The following LMBRD1 variants were observed in gnomAD, a reference collection of about 807,000 sequenced individuals.
LMBRD1 encodes the protein LMBR1 domain containing 1, also known as lysosomal cobalamin transport escort protein LMBD1.
A neutral mutation model predicts 74.8 loss-of-function variants in LMBRD1; 64 were observed. The observed-to-expected ratio is 0.86, with a 90% confidence interval of 0.70 to 1.05. LMBRD1 has a LOEUF of 1.05. Among genes scored for constraint, LMBRD1 ranks in the 50% least tolerant of loss-of-function variants. The pLI, the probability that LMBRD1 is intolerant of heterozygous loss-of-function variation, is 0.00. For synonymous variants in LMBRD1, 204 were observed against 216.3 expected (o/e 0.94, Z 0.50); for missense variants, 652 against 645.9 (o/e 1.01, Z -0.10).
chr6:69,796,958 A>G lies in LMBRD1; in HGVS notation c.-77T>C, dbSNP rs1766250672. On this transcript the variant is annotated 5_prime_UTR_variant, in exon 1 of 16. Coordinates refer to ENST00000649934, the MANE Select transcript of LMBRD1 (RefSeq NM_018368.4). ...GGGGAAAGGGGAGAGAGCGCGAGAT[A>G]TACTGCACCCGCGCACCCTAAAGGT... 3 of 1,257,732 alleles carry G rather than the reference A, an allele frequency of 2.4e-6. No individual in the cohort carries two copies. Among genetic ancestry groups the G allele is most frequent in the African/African-American group, 1.5e-5 (1 of 67,938 alleles). The allele number at this position is 1,257,732 out of a possible 1,614,324, so 77.9% of individuals were successfully genotyped here. A position where few individuals can be genotyped will look rare whatever the true frequency, so the allele number is the denominator to read the frequency against.
At chr6:69,679,872 G>T (rs12111306) in intron 14 of LMBRD1, among the ~76,000 whole-genome samples, 1 of 151,918 alleles carries the variant, frequency 6.6e-6, no homozygotes, top group African/African-American at 2.4e-5. Flanking sequence ...GCAAAGTGGC[G>T]CTTAATATTA....
chr6:69,686,618 CTCTG>C (rs1175869941), intron 14 of LMBRD1, among the ~76,000 whole-genome samples: 3 of 128,140 alleles, frequency 2.3e-5, no homozygotes, highest in African/African-American at 8.1e-5. Context: ...TCCCTTCTCT[CTCTG>C]TCTCTCTCAA....
chr6:69,780,737 A>G (rs1765815588), intron 2 of LMBRD1, among the ~76,000 whole-genome samples, 183 bp from the exon 3 acceptor site: 1 of 152,230 alleles, frequency 6.6e-6, no homozygotes, highest in Admixed American at 6.5e-5. Context: ...TGCTGAGATA[A>G]GACAACACAG....
rs753105951 is a variant in LMBRD1, at chr6:69,676,557, A to C, written c.1418-16T>G. The stretch of plus-strand genomic sequence containing the variant: ...GTACACTGATCTGTGAAAGCAAATA[A>C]AAGACTATGGTGAGATAGGTTCTTT... On this transcript the variant is annotated splice_polypyrimidine_tract_variant and intron_variant, in intron 14 of 15. Coordinates refer to ENST00000649934, the MANE Select transcript of LMBRD1 (RefSeq NM_018368.4). 2.5e-6 allele frequency: 4 copies of C among 1,572,036 alleles called. No homozygotes were observed. The highest frequency in any genetic ancestry group is 3.5e-6 in the Non-Finnish European group (4 of 1,142,140).
chr6:69,697,613 C>T lies in LMBRD1; in HGVS notation c.1367G>A (p.Gly456Asp), dbSNP rs770124447. The change falls in exon 14 of 16, where the codon GGC becomes GAC. Residue 456 changes from glycine (G) to aspartate (D), a missense_variant. Gly to Asp is a moderately conservative substitution (Grantham distance 94). Around this residue, in one of 3 missense-constraint regions of LMBRD1, gnomAD observed 598 missense variants for 581.8 expected, o/e 1.03. Coordinates refer to ENST00000649934, the MANE Select transcript of LMBRD1 (RefSeq NM_018368.4). ...CTTTGGCACAGAAAGGGTTGAATTG[C>T]CTTTATGATTATCAGAAGTTATATT... ...ETNITSDNHK[G>D]NSTLSVPKRC... is the part of the protein sequence containing the mutation. The T allele has an allele frequency of 5.0e-6, 8 of 1,602,332 alleles. No individual in the cohort carries two copies. The highest frequency in any genetic ancestry group is 1.7e-5 in the Admixed American group (1 of 59,932).
At chr6:69,779,140 T>A (rs1388040904) in intron 3 of LMBRD1, among the ~76,000 whole-genome samples, 1 of 145,384 alleles carries the variant, frequency 6.9e-6, no homozygotes, top group Admixed American at 6.9e-5. Flanking sequence ...GAGCCGAGAC[T>A]GTGCCACTGC....
chr6:69,750,778 G>A (rs1562111995), intron 4 of LMBRD1, among the ~76,000 whole-genome samples: 1 of 152,066 alleles, frequency 6.6e-6, no homozygotes, highest in East Asian at 1.9e-4. Flanking sequence ...CAAATATAGA[G>A]TAAAATAGTA....
intron 13 of LMBRD1, 43 bp downstream of exon 13, chr6:69,699,000 C>T (rs1766067701): frequency 7.6e-7 from 1 of 1,324,340 alleles, no homozygotes. Context: ...ATATCACTAT[C>T]TTTAAAATAT....
rs552439025 is a variant in LMBRD1, at chr6:69,767,295, T to C, written c.307+13199A>G. ...TTTCTGTTTTCCTAAGGTAGAAGTT[T>C]AGGTAGTTGAGAATTCTTTTTTAAA... On this transcript the variant is annotated intron_variant, in intron 3 of 15. Coordinates refer to ENST00000649934, the MANE Select transcript of LMBRD1 (RefSeq NM_018368.4). Among the ~76,000 whole-genome samples the C allele has an allele frequency of 4.6e-5, 7 of 151,802 alleles. No homozygotes were observed. The South Asian group carries it at 1.5e-3, about 32-fold the overall frequency.
chr6:69,753,828 C>T (rs1765215594), intron 3 of LMBRD1, among the ~76,000 whole-genome samples: 2 of 151,900 alleles, frequency 1.3e-5, no homozygotes, highest in South Asian at 4.1e-4. Context: ...GTATTCCCAG[C>T]TACTCGGGAG....
At chr6:69,730,779 G>C (rs1766838734) in intron 7 of LMBRD1, among the ~76,000 whole-genome samples, 2 of 152,188 alleles carry the variant, frequency 1.3e-5, no homozygotes, top group East Asian at 3.9e-4. Context: ...AGAATAATGG[G>C]CATAATTCTG....
At chr6:69,780,048 C>T (rs1269229814) in intron 3 of LMBRD1, among the ~76,000 whole-genome samples, 1 of 151,718 alleles carries the variant, frequency 6.6e-6, no homozygotes, top group African/African-American at 2.4e-5. Context: ...GCCGTCCCCA[C>T]ATATCCCCAC....
intron 7 of LMBRD1, among the ~76,000 whole-genome samples, chr6:69,725,709 T>C (rs1032218335): frequency 6.6e-6 from 1 of 152,078 alleles, no homozygotes; most frequent in Non-Finnish European, 1.5e-5. Context: ...TAGACCCCTA[T>C]CTCTTGCCAC....
chr6:69,708,710 A>G (rs536967805), intron 9 of LMBRD1, among the ~76,000 whole-genome samples: 2 of 152,204 alleles, frequency 1.3e-5, no homozygotes, highest in East Asian at 1.9e-4. Context: ...ATTTGCAAAA[A>G]TTTAAATTTA....
intron 5 of LMBRD1, among the ~76,000 whole-genome samples, chr6:69,748,101 G>T (rs1160141817): frequency 6.6e-6 from 1 of 152,134 alleles, no homozygotes; most frequent in East Asian, 1.9e-4. Flanking sequence ...TTGGCTGCCT[G>T]TGTTTATAAA....
In LMBRD1 at chr6:69,744,367, A is replaced by G. The variant is rs1767171861; in HGVS notation, c.474-2490T>C. 3.9e-5 allele frequency among the ~76,000 whole-genome samples: 6 copies of G among 152,314 alleles called. No individual in the cohort carries two copies. In the South Asian group the frequency reaches 1.2e-3, roughly 32 times the overall value. On this transcript the variant is annotated intron_variant, in intron 5 of 15. Transcript: ENST00000649934. ...TACTCAAGGTCATCATCAAGGTCTG[A>G]TTTTTCACCAAAAAAATTTGCAACC...
intron 3 of LMBRD1, among the ~76,000 whole-genome samples, chr6:69,769,700 G>T (rs1765539221): frequency 6.6e-6 from 1 of 150,542 alleles, no homozygotes; most frequent in South Asian, 2.1e-4. Context: ...CCACAAGTGT[G>T]CAACTGCTGA....
chr6:69,692,268 G>GGT (rs1765901029), intron 14 of LMBRD1, among the ~76,000 whole-genome samples: 1 of 85,294 alleles, frequency 1.2e-5, no homozygotes, highest in Admixed American at 1.5e-4. Context: ...TATTTTTTAA[G>GGT]GTGCGCTCTC....
chr6:69,694,245 G>T (rs1011497658), intron 14 of LMBRD1, among the ~76,000 whole-genome samples: 1 of 151,984 alleles, frequency 6.6e-6, no homozygotes, highest in Non-Finnish European at 1.5e-5. Context: ...ATTTGTTTTT[G>T]TTTTACAGCT....
Sources: allele counts gnomAD v4.1 joint callset (sites outside exome capture counted in the v4.1 genomes callset), GRCh38; gene constraint gnomAD v4.1.1; regional missense constraint gnomAD v4.1.1; transcripts MANE v1.5; gene names NCBI Gene and HGNC (gene_info 2026-07-23, HGNC 2026-07-21).